The following KCND3 variants were observed in gnomAD, a reference collection of about 807,000 sequenced individuals.
KCND3 encodes the protein potassium voltage-gated channel subfamily D member 3.
Under a neutral mutation model 51.1 loss-of-function variants are expected in KCND3, and 9 were observed. The ratio of observed to expected loss-of-function variants is 0.18; its 90% CI spans 0.11 to 0.31. KCND3 has a LOEUF of 0.31. Ranked by LOEUF, KCND3 falls within the 10% of genes least tolerant of loss-of-function variation. The pLI is 1.00. For missense variants in KCND3, 526 were observed against 903.8 expected (o/e 0.58, Z 5.36); for synonymous variants, 349 against 368.0 (o/e 0.95, Z 0.59).
chr1:111,779,307 C>T (rs1290018303), intron 5 of KCND3, among the ~76,000 whole-genome samples: 1 of 151,906 alleles, frequency 6.6e-6, no homozygotes, highest in South Asian at 2.1e-4. Flanking sequence ...CAGCCCCACA[C>T]CCCCCTCCCC....
At chr1:111,853,182 G>A (rs1667902402) in intron 2 of KCND3, among the ~76,000 whole-genome samples, 1 of 152,214 alleles carries the variant, frequency 6.6e-6, no homozygotes, top group South Asian at 2.1e-4. Context: ...GTGCTTGGTG[G>A]ACTTGGAAAT....
At chr1:111,931,149 C>T (rs1487221076) in intron 2 of KCND3, among the ~76,000 whole-genome samples, 42 of 152,150 alleles carry the variant, frequency 2.8e-4, no homozygotes, top group Non-Finnish European at 2.9e-5. Context: ...GCATCTTGCT[C>T]ATCTGTGCAA....
At chr1:111,845,941 G>A (rs555949766) in intron 2 of KCND3, among the ~76,000 whole-genome samples, 1 of 152,274 alleles carries the variant, frequency 6.6e-6, no homozygotes, top group Admixed American at 6.5e-5. Context: ...TAAAGGTCTG[G>A]TTGGCTTCAG....
intron 2 of KCND3, among the ~76,000 whole-genome samples, chr1:111,860,680 C>T (rs145994749): frequency 6.6e-6 from 1 of 152,178 alleles, no homozygotes. Flanking sequence ...GATGAGCCTG[C>T]GATTATGTCT....
At chr1:111,862,269 C>T (rs1668368835) in intron 2 of KCND3, among the ~76,000 whole-genome samples, 1 of 152,234 alleles carries the variant, frequency 6.6e-6, no homozygotes, top group Admixed American at 6.5e-5. Context: ...GGCCATAGGC[C>T]TCTGTCACAA....
At chr1:111,908,951 C>CTTTT (rs34151345) in intron 2 of KCND3, among the ~76,000 whole-genome samples, 11 of 131,328 alleles carry the variant, frequency 8.4e-5, no homozygotes, top group Non-Finnish European at 1.3e-4. Context: ...GGTCTCATGC[C>CTTTT]TTTTTTTTTT....
In KCND3 at chr1:111,982,809, G is replaced by T; in HGVS notation, c.-72-11C>A. 1 of 1,525,842 alleles carries T rather than the reference G, an allele frequency of 6.6e-7. No individual in the cohort carries two copies. 94.5% of individuals were successfully genotyped at this position (1,525,842 alleles called of 1,614,324 possible). On this transcript the variant is annotated splice_polypyrimidine_tract_variant and intron_variant, in intron 1 of 7. Transcript: ENST00000302127. The surrounding 1 kb of genome is among the most constrained non-coding windows in gnomAD (Gnocchi z 8.5). ...TTAGTTCAGCAAACCCTGGGAGACA[G>T]GAGGGGAGAGAGAGAAGCGGTGAGT...
chr1:111,912,421 C>T (rs1233323534), intron 2 of KCND3, among the ~76,000 whole-genome samples: 1 of 152,170 alleles, frequency 6.6e-6, no homozygotes, highest in Non-Finnish European at 1.5e-5. Context: ...TAATTATGTA[C>T]AGCACATAAT....
intron 2 of KCND3, among the ~76,000 whole-genome samples, chr1:111,818,235 G>A (rs1666195280): frequency 6.6e-6 from 1 of 152,220 alleles, no homozygotes; most frequent in South Asian, 2.1e-4. Context: ...CAGGAGGGAA[G>A]GAGGACCAGG....
chr1:111,951,660 G>C (rs1382514845), intron 2 of KCND3, among the ~76,000 whole-genome samples: 60 of 152,230 alleles, frequency 3.9e-4, no homozygotes, highest in Non-Finnish European at 7.3e-5. Flanking sequence ...CCCTGCCCTT[G>C]TGGAGTTCAC....
intron 2 of KCND3, among the ~76,000 whole-genome samples, chr1:111,953,206 C>G (rs1374838835): frequency 1.3e-5 from 2 of 152,144 alleles, no homozygotes; most frequent in Admixed American, 1.3e-4. Flanking sequence ...GGCCACCACA[C>G]AGGATCCCAG....
chr1:111,898,487 C>G (rs1429323323), intron 2 of KCND3, among the ~76,000 whole-genome samples: 1 of 152,170 alleles, frequency 6.6e-6, no homozygotes, highest in African/African-American at 2.4e-5. Flanking sequence ...GGCCATCTCC[C>G]TGGGGAGACT....
At chr1:111,836,362 C>T (rs1426828594) in intron 2 of KCND3, among the ~76,000 whole-genome samples, 3 of 152,320 alleles carry the variant, frequency 2.0e-5, no homozygotes, top group East Asian at 1.9e-4. Context: ...CCAGCCCGAT[C>T]GCACTCCCTC....
rs554771520 is a variant in KCND3 at position 111,965,088 on chromosome 1, A to AT, written c.1106+16532dup. On this transcript the variant is annotated intron_variant, in intron 2 of 7. Coordinates refer to ENST00000302127, the MANE Select transcript of KCND3 (RefSeq NM_001378969.1). ...CCCCCCAAACTGCCCCCAAACACTC[A>AT]TTTTTTTTGTAAACAGGACTGCAAG... 3.6e-3 allele frequency among the ~76,000 whole-genome samples: 520 copies of AT among 144,158 alleles called. 3 individuals carry two copies. The highest frequency in any genetic ancestry group is 0.018 in the Middle Eastern group (5 of 280). 94.6% of individuals were successfully genotyped at this position (144,158 alleles called of 152,430 possible).
chr1:111,946,791 C>A, intron 2 of KCND3, among the ~76,000 whole-genome samples: 1 of 152,174 alleles, frequency 6.6e-6, no homozygotes, highest in Admixed American at 6.5e-5. Flanking sequence ...ATATGGGGGC[C>A]CCACTGGGTA....
chr1:111,898,401 C>G (rs559293521), intron 2 of KCND3, among the ~76,000 whole-genome samples: 1 of 152,172 alleles, frequency 6.6e-6, no homozygotes, highest in Non-Finnish European at 1.5e-5. Context: ...GGCACATGTG[C>G]AGTACTCAAA....
At chr1:111,872,648 G>A (rs573286782) in intron 2 of KCND3, among the ~76,000 whole-genome samples, 3 of 152,254 alleles carry the variant, frequency 2.0e-5, no homozygotes, top group African/African-American at 7.2e-5. Context: ...GCTAAAGAAA[G>A]TGACAGAGAA....
In KCND3 at chr1:111,776,193, G is replaced by A; in HGVS notation, c.1852C>T (p.Pro618Ser). The change falls in exon 8 of 8, where the codon CCC becomes TCC. Residue 618 changes from proline (P) to serine (S), a missense_variant. Pro to Ser is a moderately conservative substitution (Grantham distance 74, BLOSUM62 -1). Around this residue, in one of 5 missense-constraint regions of KCND3, gnomAD observed 266 missense variants for 305.5 expected, o/e 0.87. Transcript: ENST00000302127. ...TCTGGGGTTAGCGCTGGGGGAGTGG[G>A]GATGCTGATGATGGCTGTGGTGATC... ...SQITTAIISI[P>S]TPPALTPEGE... 1 of 1,614,226 alleles carries A rather than the reference G, an allele frequency of 6.2e-7. No individual in the cohort carries two copies. Among genetic ancestry groups the A allele is most frequent in the Non-Finnish European group, 8.5e-7 (1 of 1,180,040 alleles).
At chr1:111,939,658 C>T (rs1672397744) in intron 2 of KCND3, among the ~76,000 whole-genome samples, 1 of 152,194 alleles carries the variant, frequency 6.6e-6, no homozygotes, top group African/African-American at 2.4e-5. Flanking sequence ...CAAGTGTTTG[C>T]TATTGTGAAT....
Sources: gnomAD v4.1 joint callset for allele counts (sites outside exome capture counted in the v4.1 genomes callset) on GRCh38, gnomAD v4.1.1 for gene constraint, gnomAD v4.1.1 regional missense constraint, Gnocchi (gnomAD v3.1) non-coding constraint, MANE v1.5 for transcripts, NCBI Gene and HGNC (gene_info 2026-07-23, HGNC 2026-07-21) for gene names.